CHLSN: variants seen among roughly 807,000 people sequenced by gnomAD.
CHLSN encodes the protein protein cholesin.
At chr7:1,008,834 T>C in the CHLSN span, among the ~76,000 whole-genome samples, 6 of 113,358 alleles carry the variant, frequency 5.3e-5, no homozygotes, top group Non-Finnish European at 9.3e-5. Flanking sequence ...ACACAACGTG[T>C]ATACACACGC....
the CHLSN span, chr7:1,043,818 G>A: frequency 6.6e-6 from 1 of 152,296 alleles, no homozygotes; most frequent in Non-Finnish European, 1.5e-5. Context: ...TATTCTTCCT[G>A]CTGGTGTTCC....
chr7:1,014,762 G>A, the CHLSN span, among the ~76,000 whole-genome samples: 1 of 152,264 alleles, frequency 6.6e-6, no homozygotes. Flanking sequence ...ACAGAAACGA[G>A]CCCTGAGAAG....
chr7:985,399 C>T, the CHLSN span: 1 of 1,462,300 alleles, frequency 6.8e-7, no homozygotes, highest in African/African-American at 1.4e-5. Flanking sequence ...ACGGGGGCCC[C>T]AGTGCTGTCC....
At chr7:1,126,791 G>A in the CHLSN span, among the ~76,000 whole-genome samples, 2 of 152,200 alleles carry the variant, frequency 1.3e-5, no homozygotes, top group East Asian at 3.8e-4. Flanking sequence ...GCTGCACACC[G>A]TTTAGAAAGT....
chr7:1,002,624 G>GT, the CHLSN span, among the ~76,000 whole-genome samples: 1 of 124,020 alleles, frequency 8.1e-6, no homozygotes. Context: ...CCTGCGGGTG[G>GT]GGAGTCCTGT....
At chr7:1,022,751 C>T in the CHLSN span, among the ~76,000 whole-genome samples, 2 of 152,216 alleles carry the variant, frequency 1.3e-5, no homozygotes, top group Admixed American at 6.5e-5. Flanking sequence ...GAATCCCCCC[C>T]AACCGTCCTC....
chr7:1,039,534 C>T, the CHLSN span, among the ~76,000 whole-genome samples: 2 of 52,358 alleles, frequency 3.8e-5, no homozygotes, highest in African/African-American at 3.7e-4. Flanking sequence ...CCGCCCCGTC[C>T]GGGAGGGAGG....
the CHLSN span, among the ~76,000 whole-genome samples, chr7:1,128,649 G>A: frequency 1.2e-4 from 2 of 16,880 alleles, no homozygotes; most frequent in East Asian, 1.0e-3. Context: ...ACCGTCACCC[G>A]GGCTGGAGTG....
chr7:1,059,951 G>A, the CHLSN span, among the ~76,000 whole-genome samples: 12 of 138,062 alleles, frequency 8.7e-5, no homozygotes, highest in African/African-American at 2.7e-4. Context: ...TCCGTAATGA[G>A]GCGGGTCTTA....
the CHLSN span, chr7:1,127,139 G>A: frequency 1.6e-6 from 2 of 1,245,778 alleles, no homozygotes; most frequent in Non-Finnish European, 2.2e-6. Context: ...CCACGCCTCC[G>A]CACCTGTTCC....
the CHLSN span, among the ~76,000 whole-genome samples, chr7:1,135,182 G>A: frequency 6.6e-6 from 1 of 152,104 alleles, no homozygotes; most frequent in Non-Finnish European, 1.5e-5. Context: ...CAGGCTTAGT[G>A]CTCAGCCTCC....
chr7:1,023,596 C>T, the CHLSN span, among the ~76,000 whole-genome samples: 2 of 148,594 alleles, frequency 1.3e-5, no homozygotes, highest in East Asian at 2.1e-4. This position sits in a 1 kb window ranked among gnomAD's most constrained non-coding sequence, Gnocchi z 5.0. Context: ...GAGAACATGA[C>T]GAAGACTGTG....
the CHLSN span, among the ~76,000 whole-genome samples, chr7:978,479 A>G: frequency 6.6e-6 from 1 of 152,204 alleles, no homozygotes; most frequent in Non-Finnish European, 1.5e-5. Context: ...AGATCGCACC[A>G]CTGCACTGCA....
the CHLSN span, among the ~76,000 whole-genome samples, chr7:1,119,845 C>G: frequency 6.7e-6 from 1 of 149,826 alleles, no homozygotes; most frequent in Non-Finnish European, 1.5e-5. Context: ...TCACTGCACT[C>G]CAGCCTGGGC....
At chr7:998,911 T>C in the CHLSN span, among the ~76,000 whole-genome samples, 3 of 152,242 alleles carry the variant, frequency 2.0e-5, no homozygotes, top group East Asian at 5.8e-4. Context: ...AAGTCTCTGA[T>C]CCATTTTGAG....
At chr7:1,053,074 G>A in the CHLSN span, among the ~76,000 whole-genome samples, 1 of 152,230 alleles carries the variant, frequency 6.6e-6, no homozygotes, top group Non-Finnish European at 1.5e-5. Context: ...TGCCCAGTGG[G>A]GGGAGAAGCC....
chr7:999,959 C>A, the CHLSN span, among the ~76,000 whole-genome samples: 1 of 152,262 alleles, frequency 6.6e-6, no homozygotes, highest in Non-Finnish European at 1.5e-5. Context: ...GCTGCCCACA[C>A]GTACATGTGT....
the CHLSN span, among the ~76,000 whole-genome samples, chr7:1,016,675 ACGC>A: frequency 3.0e-5 from 4 of 133,684 alleles, no homozygotes; most frequent in South Asian, 2.4e-4. Flanking sequence ...ACAGCAGCAC[ACGC>A]CAGGGCACAG....
the CHLSN span, among the ~76,000 whole-genome samples, chr7:1,115,868 A>G: frequency 8.9e-6 from 1 of 112,866 alleles, no homozygotes; most frequent in African/African-American, 3.4e-5. Flanking sequence ...TGATGACATC[A>G]CTACAGCTCT....
Sources: gnomAD v4.1 joint callset for allele counts (sites outside exome capture counted in the v4.1 genomes callset) on GRCh38, gnomAD v4.1.1 for gene constraint, Gnocchi (gnomAD v3.1) non-coding constraint, MANE v1.5 for transcripts, NCBI Gene and HGNC (gene_info 2026-07-23, HGNC 2026-07-21) for gene names.